The following ZBTB49 variants were observed in gnomAD, a reference collection of about 807,000 sequenced individuals.
ZBTB49 encodes the protein zinc finger and BTB domain-containing protein 49.
Under a neutral mutation model 57.5 loss-of-function variants are expected in ZBTB49, and 43 were observed. The ratio of observed to expected loss-of-function variants is 0.75; its 90% CI spans 0.59 to 0.97. ZBTB49 has a LOEUF of 0.97. ZBTB49 is among the 50% of genes least tolerant of loss of function. The pLI, the probability that ZBTB49 is intolerant of heterozygous loss-of-function variation, is 0.00. For synonymous variants in ZBTB49, 369 were observed against 362.1 expected, an observed-to-expected ratio of 1.02 and a Z score of -0.22; for missense variants, 938 against 947.7, an observed-to-expected ratio of 0.99 and a Z score of 0.13.
At chr4:4,315,595 T>C (rs778503594) in intron 5 of ZBTB49, 41 bp from the exon 6 acceptor site, 5 of 1,598,692 alleles carry the variant, frequency 3.1e-6, no homozygotes, top group Non-Finnish European at 4.3e-6. Flanking sequence ...CCCACAGTAA[T>C]GTGGAAAGGC....
chr4:4,296,239 A>G (rs997774276), intron 1 of ZBTB49, among the ~76,000 whole-genome samples: 9 of 152,218 alleles, frequency 5.9e-5, no homozygotes, highest in Non-Finnish European at 1.2e-4. Flanking sequence ...GGACTGAGGA[A>G]AAGTCACTGT....
Position 4,302,310 on chromosome 4 carries a change from G to A in ZBTB49, c.474G>A (p.Gln158=). Residue 158 remains glutamine (Q), a synonymous_variant, in exon 3 of 8, where the codon CAG becomes CAA. Transcript: ENST00000337872. Reference sequence around the variant, plus strand: ...AAAACTACCCCCCTCATTTACTGCAGGAATGTTCAGCAGATGCACAGCAGA... The same window carrying A: ...AAAACTACCCCCCTCATTTACTGCAAGAATGTTCAGCAGATGCACAGCAGA... ...ISENYPPHLL[Q]ECSADAQQNK... is the part of the protein sequence containing the mutation. The A allele has an allele frequency of 6.2e-7, 1 of 1,614,170 alleles. No homozygotes were observed. Among genetic ancestry groups the A allele is most frequent in the Non-Finnish European group, 8.5e-7 (1 of 1,180,024 alleles).
chr4:4,308,180 C>A (rs74850088), intron 4 of ZBTB49, among the ~76,000 whole-genome samples: 9 of 152,178 alleles, frequency 5.9e-5, no homozygotes, highest in African/African-American at 2.2e-4. Flanking sequence ...CAGGTTCAAA[C>A]GATTGTCTTG....
In ZBTB49 at chr4:4,299,995, A is replaced by G; in HGVS notation, c.50A>G (p.Glu17Gly). The change falls in exon 2 of 8, where the codon GAG becomes GGG. Residue 17 changes from glutamate to glycine, a missense_variant. Around this residue, in one of 3 missense-constraint regions of ZBTB49, gnomAD observed 100 missense variants for 112.5 expected, o/e 0.89. Transcript: ENST00000337872. The stretch of plus-strand genomic sequence containing the variant: ...TGCCATCTGCTCCAGCAACTGCATG[A>G]GCAGCGAATCCAAGGCCTGCTTTGT... ...HSCHLLQQLH[E>G]QRIQGLLCDC... 1 of 1,614,194 alleles carries G rather than the reference A, an allele frequency of 6.2e-7. No individual in the cohort carries two copies. The highest frequency in any genetic ancestry group is 1.1e-5 in the South Asian group (1 of 91,090).
chr4:4,296,964 A>G (rs186213297), intron 1 of ZBTB49, among the ~76,000 whole-genome samples: 55 of 152,330 alleles, frequency 3.6e-4, no homozygotes, highest in Non-Finnish European at 8.8e-5. Context: ...CATCCCATGA[A>G]GCCTAAGGGA....
At chr4:4,318,954 G>A (rs555684515) in intron 7 of ZBTB49, among the ~76,000 whole-genome samples, 4 of 145,256 alleles carry the variant, frequency 2.8e-5, no homozygotes, top group South Asian at 2.2e-4. Context: ...GCAGTGGTGC[G>A]ATCACAGCTC....
chr4:4,296,234 G>A (rs900850818), intron 1 of ZBTB49, among the ~76,000 whole-genome samples: 2 of 152,232 alleles, frequency 1.3e-5, no homozygotes, highest in African/African-American at 4.8e-5. Context: ...GTTGAGGACT[G>A]AGGAAAAGTC....
chr4:4,299,990 G>T lies in ZBTB49; in HGVS notation c.45G>T (p.Leu15=), dbSNP rs766933975. ...ATHSCHLLQQ[L]HEQRIQGLLC... ...ACAGCTGCCATCTGCTCCAGCAACT[G>T]CATGAGCAGCGAATCCAAGGCCTGC... Residue 15 remains leucine, a synonymous_variant, in exon 2 of 8, where the codon CTG becomes CTT. Coordinates refer to ENST00000337872, the MANE Select transcript of ZBTB49 (RefSeq NM_145291.4). 3.1e-6 allele frequency: 5 copies of T among 1,614,182 alleles called. No individual in the cohort carries two copies. Among genetic ancestry groups the T allele is most frequent in the Non-Finnish European group, 4.2e-6 (5 of 1,180,032 alleles).
intron 3 of ZBTB49, among the ~76,000 whole-genome samples, chr4:4,305,826 G>A (rs77589752): frequency 0.021 from 3,191 of 152,284 alleles, 61 homozygotes; most frequent in East Asian, 0.071. Context: ...TGTTCAGCAG[G>A]AAAACTCAAC....
At chr4:4,308,304 C>T (rs908133077) in intron 4 of ZBTB49, among the ~76,000 whole-genome samples, 4 of 152,136 alleles carry the variant, frequency 2.6e-5, no homozygotes, top group Non-Finnish European at 5.9e-5. Context: ...GTCTCAAACT[C>T]CAGACCTCAT....
intron 3 of ZBTB49, among the ~76,000 whole-genome samples, 174 bp from the exon 4 acceptor site, chr4:4,305,962 CTG>C (rs1470356911): frequency 6.6e-6 from 1 of 152,188 alleles, no homozygotes. Context: ...TTTATCATCT[CTG>C]TGTAGAAATA....
At chr4:4,304,655 C>T (rs566408780) in intron 3 of ZBTB49, among the ~76,000 whole-genome samples, 51 of 152,174 alleles carry the variant, frequency 3.4e-4, no homozygotes, top group African/African-American at 1.0e-3. Flanking sequence ...AATATTCTAC[C>T]GAGAAGGGCA....
chr4:4,303,784 C>CTATATA (rs35257963), intron 3 of ZBTB49, among the ~76,000 whole-genome samples: 270 of 145,912 alleles, frequency 1.9e-3, no homozygotes, highest in Non-Finnish European at 3.5e-3. Context: ...CTCTCTCTCT[C>CTATATA]TATATATATA....
Position 4,306,193 on chromosome 4 carries a change from A to T in ZBTB49, c.1302+9A>T. The T allele has an allele frequency of 5.6e-6, 9 of 1,610,118 alleles. No homozygotes were observed. The highest frequency in any genetic ancestry group is 7.6e-6 in the Non-Finnish European group (9 of 1,177,368). ...GGAAACATTTCTCTCAGGTGGGAAT[A>T]CTCTTATTTATTGTTAATAATTGGA... On this transcript the variant is annotated intron_variant, in intron 4 of 7. Coordinates refer to ENST00000337872, the MANE Select transcript of ZBTB49 (RefSeq NM_145291.4).
chr4:4,310,006 C>T (rs200894280), intron 4 of ZBTB49, among the ~76,000 whole-genome samples: 2 of 152,114 alleles, frequency 1.3e-5, no homozygotes, highest in Non-Finnish European at 1.5e-5. Flanking sequence ...TAAATGATTA[C>T]GATTCCTGAC....
chr4:4,293,062 T>G (rs563479959), intron 1 of ZBTB49, among the ~76,000 whole-genome samples: 1 of 152,236 alleles, frequency 6.6e-6, no homozygotes, highest in African/African-American at 2.4e-5. Flanking sequence ...AGAGATCATC[T>G]AGTCCAATAG....
At chr4:4,291,598 C>T (rs990522583) in intron 1 of ZBTB49, among the ~76,000 whole-genome samples, 3 of 152,162 alleles carry the variant, frequency 2.0e-5, no homozygotes, top group Non-Finnish European at 4.4e-5. Context: ...GCAGGGTGCT[C>T]AAGATGTTTT....
intron 1 of ZBTB49, among the ~76,000 whole-genome samples, chr4:4,292,626 C>A (rs1408337474): frequency 6.6e-6 from 1 of 152,152 alleles, no homozygotes; most frequent in Non-Finnish European, 1.5e-5. Context: ...TTGCTTCAAG[C>A]CAGTGCTTTT....
intron 1 of ZBTB49, among the ~76,000 whole-genome samples, chr4:4,291,210 C>G (rs1719891264): frequency 2.6e-5 from 4 of 152,232 alleles, no homozygotes; most frequent in Admixed American, 2.6e-4. Context: ...TTATTATTTT[C>G]TCACAGTTCT....
Sources: allele counts gnomAD v4.1 joint callset (sites outside exome capture counted in the v4.1 genomes callset), GRCh38; gene constraint gnomAD v4.1.1; regional missense constraint gnomAD v4.1.1; transcripts MANE v1.5; gene names NCBI Gene and HGNC (gene_info 2026-07-23, HGNC 2026-07-21).